Variants in SLC9B1 observed in about 807,000 individuals in gnomAD.
The protein encoded by SLC9B1 is solute carrier family 9 member B1, also known as sodium/hydrogen exchanger 9B1.
Under a neutral mutation model 51.7 loss-of-function variants are expected in SLC9B1, and 32 were observed. That is an observed-to-expected ratio of 0.62 (90% confidence interval 0.47 to 0.83). The LOEUF is 0.83. SLC9B1 is among the 40% of genes least tolerant of loss of function. The pLI, the probability that SLC9B1 is intolerant of heterozygous loss-of-function variation, is 0.00. For missense variants in SLC9B1, 406 were observed against 613.2 expected (o/e 0.66, Z 3.57); for synonymous variants, 145 against 212.7 (o/e 0.68, Z 2.77).
At chr4:102,920,211 T>G (rs1192413255) in intron 7 of SLC9B1, among the ~76,000 whole-genome samples, 1 of 152,094 alleles carries the variant, frequency 6.6e-6, no homozygotes, top group Non-Finnish European at 1.5e-5. Context: ...AGAGGAAGGA[T>G]CGGGCAGCAA....
intron 7 of SLC9B1, among the ~76,000 whole-genome samples, chr4:102,924,893 A>C (rs1299457089): frequency 2.0e-5 from 3 of 152,242 alleles, no homozygotes; most frequent in Non-Finnish European, 2.9e-5. Flanking sequence ...ATCATTAAAA[A>C]GTCAGGAAAC....
At chr4:102,992,211 T>C (rs1354611764) in intron 1 of SLC9B1, among the ~76,000 whole-genome samples, 1 of 152,158 alleles carries the variant, frequency 6.6e-6, no homozygotes, top group Non-Finnish European at 1.5e-5. Flanking sequence ...AACATTTAAA[T>C]ATATCTATAA....
chr4:102,893,295 A>AAG (rs980088397), intron 11 of SLC9B1, among the ~76,000 whole-genome samples: 2 of 149,866 alleles, frequency 1.3e-5, no homozygotes, highest in African/African-American at 4.9e-5. Flanking sequence ...AAAAAAAAAA[A>AAG]AAAAAAAAAA....
intron 11 of SLC9B1, chr4:102,887,299 CAT>C (rs1363905986): frequency 8.8e-7 from 1 of 1,134,448 alleles, no homozygotes; most frequent in South Asian, 1.2e-5. Context: ...CCTAATGAAT[CAT>C]ATTTTAAAAA....
intron 7 of SLC9B1, among the ~76,000 whole-genome samples, chr4:102,925,699 C>CAAAAAAAAAA (rs3974607): frequency 1.5e-5 from 2 of 137,346 alleles, no homozygotes; most frequent in Admixed American, 7.2e-5. Context: ...TTCTTTTGTC[C>CAAAAAAAAAA]AAAAAAAAAA....
chr4:102,992,834 G>A (rs1317658037), intron 1 of SLC9B1, among the ~76,000 whole-genome samples: 1 of 152,166 alleles, frequency 6.6e-6, no homozygotes, highest in Non-Finnish European at 1.5e-5. Flanking sequence ...AGGTTGAATT[G>A]ACTCACAGTT....
At chr4:102,979,408 T>C (rs1739237669) in intron 3 of SLC9B1, among the ~76,000 whole-genome samples, 1 of 152,186 alleles carries the variant, frequency 6.6e-6, no homozygotes, top group Admixed American at 6.6e-5. Context: ...TCAGGACCCC[T>C]CTAAAAGGCA....
chr4:102,918,743 G>A (rs1735712933), intron 7 of SLC9B1, among the ~76,000 whole-genome samples: 1 of 152,208 alleles, frequency 6.6e-6, no homozygotes, highest in Non-Finnish European at 1.5e-5. Context: ...GACCTCACCA[G>A]TCACTGAGTC....
rs751256241 is a variant in SLC9B1 at position 102,945,279 on chromosome 4, T to C, written c.567A>G (p.Val189=). The change falls in exon 6 of 12, where the codon GTA becomes GTG. Residue 189 remains valine (V), a synonymous_variant. Coordinates refer to ENST00000296422, the MANE Select transcript of SLC9B1 (RefSeq NM_139173.4). ...CACTTGCCTCCATAAGGCATGGACC[T>C]ACAGCCAATCTGAAACAAACGACCT... is the stretch of plus-strand genomic sequence containing the variant. ...HLKVVCFRLA[V]GPCLMEASAA... 1 of 1,602,822 alleles carries C rather than the reference T, an allele frequency of 6.2e-7. No individual in the cohort carries two copies. The highest frequency in any genetic ancestry group is 1.1e-5 in the South Asian group (1 of 89,368).
intron 3 of SLC9B1, among the ~76,000 whole-genome samples, chr4:102,955,462 T>G (rs1190554339): frequency 1.3e-5 from 2 of 152,106 alleles, no homozygotes; most frequent in African/African-American, 4.8e-5. Flanking sequence ...AAAACAGTAG[T>G]TTTACCAGTT....
chr4:102,974,593 CACTT>C (rs1284727208), intron 3 of SLC9B1, among the ~76,000 whole-genome samples: 3 of 152,220 alleles, frequency 2.0e-5, no homozygotes, highest in African/African-American at 7.2e-5. Context: ...AACTTATAAA[CACTT>C]AGTCAAGAAG....
intron 11 of SLC9B1, among the ~76,000 whole-genome samples, chr4:102,893,621 T>TAATATGA (rs1734386563): frequency 6.6e-6 from 1 of 152,114 alleles, no homozygotes; most frequent in African/African-American, 2.4e-5. Context: ...GAAAACCTGA[T>TAATATGA]AAACATAAGA....
At chr4:103,017,159 C>T (rs565659372) in intron 1 of SLC9B1, among the ~76,000 whole-genome samples, 206 of 152,188 alleles carry the variant, frequency 1.4e-3, no homozygotes, top group South Asian at 2.7e-3. Context: ...CCTCTATATT[C>T]AAAACATCAC....
chr4:103,006,160 T>G (rs754632554), intron 1 of SLC9B1, among the ~76,000 whole-genome samples: 4 of 151,274 alleles, frequency 2.6e-5, no homozygotes, highest in Non-Finnish European at 5.9e-5. Flanking sequence ...AATCCAGGAG[T>G]TGGTTTTTTG....
chr4:102,950,360 C>T (rs533852970), intron 3 of SLC9B1, among the ~76,000 whole-genome samples: 78 of 152,238 alleles, frequency 5.1e-4, no homozygotes, highest in African/African-American at 1.8e-3. Context: ...GTATAAGTTA[C>T]TAGACATCTT....
intron 3 of SLC9B1, among the ~76,000 whole-genome samples, chr4:102,966,446 C>T (rs1211077180): frequency 2.0e-5 from 3 of 152,210 alleles, no homozygotes; most frequent in Admixed American, 2.0e-4. Context: ...ATGAGCTGTA[C>T]CTGAGGCTGC....
intron 1 of SLC9B1, among the ~76,000 whole-genome samples, chr4:103,006,302 T>A (rs548584662): frequency 6.6e-6 from 1 of 151,684 alleles, no homozygotes; most frequent in Non-Finnish European, 1.5e-5. Flanking sequence ...ATAAACACAA[T>A]TGGAAATGAC....
chr4:102,934,171 C>T (rs1736601563), intron 6 of SLC9B1, among the ~76,000 whole-genome samples: 1 of 152,192 alleles, frequency 6.6e-6, no homozygotes, highest in Non-Finnish European at 1.5e-5. Context: ...GCTTGACAAG[C>T]TGATTATAAA....
chr4:102,931,039 A>G (rs540379175), intron 7 of SLC9B1, among the ~76,000 whole-genome samples: 86 of 151,996 alleles, frequency 5.7e-4, no homozygotes, highest in Non-Finnish European at 8.7e-4. Context: ...CCTGGCTAAC[A>G]TGGTGAAACC....
Sources: gnomAD v4.1 joint callset for allele counts (sites outside exome capture counted in the v4.1 genomes callset) on GRCh38, gnomAD v4.1.1 for gene constraint, MANE v1.5 for transcripts, NCBI Gene and HGNC (gene_info 2026-07-23, HGNC 2026-07-21) for gene names.